DOK6: variants seen among roughly 807,000 people sequenced by gnomAD.
DOK6 encodes downstream of tyrosine kinase 6.
A neutral mutation model predicts 44.0 loss-of-function variants in DOK6; 22 were observed. The observed-to-expected ratio is 0.50, with a 90% CI of 0.36 to 0.71. DOK6 has a LOEUF of 0.71. Among genes scored for constraint, DOK6 ranks in the 30% least tolerant of loss-of-function variants. DOK6 has a pLI of 0.00. For synonymous variants in DOK6, 166 were observed against 145.5 expected, an observed-to-expected ratio of 1.14 and a Z score of -1.01; for missense variants, 340 against 416.4, an observed-to-expected ratio of 0.82 and a Z score of 1.60.
chr18:69,829,959 A>G (rs1426346530), intron 7 of DOK6, among the ~76,000 whole-genome samples: 1 of 152,172 alleles, frequency 6.6e-6, no homozygotes, highest in Non-Finnish European at 1.5e-5. Context: ...CTAGTGACAT[A>G]TAACAGCCAT....
At chr18:69,469,690 C>T in intron 1 of DOK6, 1 of 269,736 alleles carries the variant, frequency 3.7e-6, no homozygotes, top group Non-Finnish European at 7.6e-6. Flanking sequence ...AGATACGCTG[C>T]TGTGGGGATG....
At chr18:69,615,547 G>A (rs73459921) in intron 3 of DOK6, among the ~76,000 whole-genome samples, 4 of 152,200 alleles carry the variant, frequency 2.6e-5, no homozygotes, top group African/African-American at 9.7e-5. Context: ...TATCTGAAAT[G>A]TATTGAGATT....
intron 1 of DOK6, among the ~76,000 whole-genome samples, chr18:69,415,362 A>C (rs1170723163): frequency 7.0e-6 from 1 of 143,366 alleles, no homozygotes; most frequent in Non-Finnish European, 1.6e-5. Context: ...TGTAAGTCTT[A>C]ATTCTCTCAT....
At position 69,425,455 on chromosome 18, in the gene DOK6, G is replaced by A. The variant is rs1289533399; in HGVS notation, c.66+24145G>A. On this transcript the variant is annotated intron_variant, in intron 1 of 7. Transcript: ENST00000382713. Reference sequence around the variant, plus strand: ...TGCCCTTAATATACCCTTTTTCCCTGTTTTTCATTATATTTACATGTTCAT... The same window carrying A: ...TGCCCTTAATATACCCTTTTTCCCTATTTTTCATTATATTTACATGTTCAT... Among the ~76,000 whole-genome samples, 3 of 150,946 alleles carry A rather than the reference G, an allele frequency of 2.0e-5. No individual in the cohort carries two copies. In the East Asian group the frequency reaches 5.8e-4, roughly 29 times the overall value.
intron 3 of DOK6, among the ~76,000 whole-genome samples, chr18:69,663,973 C>T (rs1025115140): frequency 2.6e-5 from 4 of 152,154 alleles, no homozygotes; most frequent in Admixed American, 1.3e-4. Flanking sequence ...TAATTTATCT[C>T]ATTTCATAAG....
At chr18:69,823,167 T>C (rs1197429721) in intron 7 of DOK6, among the ~76,000 whole-genome samples, 1 of 152,220 alleles carries the variant, frequency 6.6e-6, no homozygotes, top group Non-Finnish European at 1.5e-5. Context: ...GAGTGCCTGC[T>C]GTGTGCCTGG....
At chr18:69,768,131 T>C (rs958647423) in intron 7 of DOK6, among the ~76,000 whole-genome samples, 1 of 152,164 alleles carries the variant, frequency 6.6e-6, no homozygotes, top group Non-Finnish European at 1.5e-5. Flanking sequence ...GTGGGGAATA[T>C]ATATTAAAGG....
chr18:69,505,691 T>G (rs913692208), intron 1 of DOK6, among the ~76,000 whole-genome samples: 8 of 151,500 alleles, frequency 5.3e-5, no homozygotes, highest in Non-Finnish European at 8.8e-5. Flanking sequence ...AGACATAGGG[T>G]TTCACCATGT....
rs531622369 is a variant in DOK6, at chr18:69,564,075, G to A, written c.67-412G>A. 3.3e-5 allele frequency among the ~76,000 whole-genome samples: 5 copies of A among 151,032 alleles called. No homozygotes were observed. In the South Asian group the frequency reaches 1.0e-3, roughly 32 times the overall value. Reference sequence around the variant, plus strand: ...TTTTTAAAAATCTAAAATTCTACAAGATAAGTAAATTTTCAAATGTGATTT... The same window carrying A: ...TTTTTAAAAATCTAAAATTCTACAAAATAAGTAAATTTTCAAATGTGATTT... On this transcript the variant is annotated intron_variant, in intron 1 of 7. Coordinates refer to ENST00000382713, the MANE Select transcript of DOK6 (RefSeq NM_152721.6).
At chr18:69,663,075 G>C (rs899689394) in intron 3 of DOK6, 1 of 152,240 alleles carries the variant, frequency 6.6e-6, no homozygotes, top group African/African-American at 2.4e-5. Flanking sequence ...TTAAAAGGCA[G>C]TCTGCCTGCA....
chr18:69,672,947 GA>G (rs149286511), intron 3 of DOK6, among the ~76,000 whole-genome samples: 18,503 of 152,068 alleles, frequency 0.12, 1,275 homozygotes, highest in South Asian at 0.22. Flanking sequence ...TAATAAATAT[GA>G]AAACAACCTT....
At chr18:69,779,580 A>T (rs1269469693) in intron 7 of DOK6, among the ~76,000 whole-genome samples, 1 of 152,158 alleles carries the variant, frequency 6.6e-6, no homozygotes, top group African/African-American at 2.4e-5. Context: ...AATAGAGAGA[A>T]TATGTATCCC....
At chr18:69,763,438 G>T (rs117735671) in intron 7 of DOK6, among the ~76,000 whole-genome samples, 6 of 152,148 alleles carry the variant, frequency 3.9e-5, no homozygotes, top group Non-Finnish European at 7.4e-5. Flanking sequence ...AACCTAAACC[G>T]TAAAGGGATG....
At chr18:69,639,222 G>T (rs78514606) in intron 3 of DOK6, among the ~76,000 whole-genome samples, 1 of 152,270 alleles carries the variant, frequency 6.6e-6, no homozygotes, top group African/African-American at 2.4e-5. Context: ...CAGAATCCTA[G>T]ACTCTTAAGA....
intron 1 of DOK6, among the ~76,000 whole-genome samples, chr18:69,518,594 T>TATCA (rs1981599044): frequency 6.6e-6 from 1 of 151,396 alleles, no homozygotes; most frequent in South Asian, 2.1e-4. Context: ...AGAATTTTTG[T>TATCA]ATCAAAATTA....
chr18:69,534,727 C>G (rs1468913314), intron 1 of DOK6, among the ~76,000 whole-genome samples: 1 of 152,044 alleles, frequency 6.6e-6, no homozygotes, highest in East Asian at 1.9e-4. Context: ...GTTCCTTTAT[C>G]TATCGTTGCA....
intron 1 of DOK6, among the ~76,000 whole-genome samples, chr18:69,540,537 T>C (rs901763165): frequency 6.6e-6 from 1 of 152,214 alleles, no homozygotes; most frequent in Non-Finnish European, 1.5e-5. Context: ...TTGTATTAAG[T>C]CATAATCTAT....
intron 2 of DOK6, among the ~76,000 whole-genome samples, chr18:69,587,938 G>A (rs1348385423): frequency 1.3e-5 from 2 of 152,100 alleles, no homozygotes; most frequent in Admixed American, 1.3e-4. Context: ...AGGTAATGAG[G>A]TTTTTCTGGG....
At chr18:69,532,775 T>A (rs147764110) in intron 1 of DOK6, 1 of 152,322 alleles carries the variant, frequency 6.6e-6, no homozygotes, top group Non-Finnish European at 1.5e-5. Context: ...TGTGGGAGAA[T>A]TGCTTGAGCC....
Sources: allele counts gnomAD v4.1 joint callset (sites outside exome capture counted in the v4.1 genomes callset), GRCh38; gene constraint gnomAD v4.1.1; transcripts MANE v1.5; gene names NCBI Gene and HGNC (gene_info 2026-07-23, HGNC 2026-07-21).